The following TMEM248 variants were observed in gnomAD, a reference collection of about 807,000 sequenced individuals.
TMEM248 encodes transmembrane protein 248, also known as UPF0458 protein C7orf42.
A neutral mutation model predicts 30.3 loss-of-function variants in TMEM248; 9 were observed. The ratio of observed to expected loss-of-function variants is 0.30; its 90% confidence interval spans 0.18 to 0.52. The LOEUF (loss-of-function observed/expected upper bound fraction) is 0.52, where lower values mean the gene tolerates loss of function less well. Among genes scored for constraint, TMEM248 ranks in the 20% least tolerant of loss-of-function variants. The probability of loss-of-function intolerance (pLI) is 0.97; values close to 1 mark genes in which losing one functional copy is unlikely to be tolerated. For synonymous variants in TMEM248, 184 were observed against 154.4 expected (o/e 1.19, Z -1.42); for missense variants, 338 against 403.3 (o/e 0.84, Z 1.39).
chr7:66,948,804 T>C, intron 4 of TMEM248, 110 bp downstream of exon 4: 2 of 1,201,000 alleles, frequency 1.7e-6, no homozygotes, highest in Non-Finnish European at 2.3e-6. Flanking sequence ...CACATTTCTT[T>C]ATAGAATTAT....
intron 6 of TMEM248, among the ~76,000 whole-genome samples, chr7:66,955,255 C>T (rs140723594): frequency 1.3e-3 from 201 of 152,282 alleles, no homozygotes; most frequent in African/African-American, 4.0e-3. Flanking sequence ...AGAGCGAGAC[C>T]GTGTCTCAAA....
chr7:66,940,261 T>C (rs993715289), intron 1 of TMEM248, among the ~76,000 whole-genome samples: 1 of 152,132 alleles, frequency 6.6e-6, no homozygotes, highest in African/African-American at 2.4e-5. Context: ...GCCATAGATG[T>C]GCGTTTTAAG....
chr7:66,942,912 C>T (rs1395829614), intron 2 of TMEM248, among the ~76,000 whole-genome samples: 2 of 150,922 alleles, frequency 1.3e-5, no homozygotes, highest in African/African-American at 2.4e-5. Context: ...GCGTGGTTGC[C>T]GCATTGAGTG....
chr7:66,935,880 G>T (rs951936786), intron 1 of TMEM248, among the ~76,000 whole-genome samples: 7 of 152,130 alleles, frequency 4.6e-5, no homozygotes, highest in Admixed American at 2.6e-4. Flanking sequence ...CTATTGGCAC[G>T]TAGAAATGCT....
chr7:66,923,106 C>T (rs988566189), intron 1 of TMEM248, among the ~76,000 whole-genome samples: 1 of 152,014 alleles, frequency 6.6e-6, no homozygotes, highest in Admixed American at 6.6e-5. Flanking sequence ...TAGTGGTATA[C>T]CAACTGTTCA....
intron 1 of TMEM248, among the ~76,000 whole-genome samples, chr7:66,940,887 G>T (rs920691492): frequency 1.1e-4 from 16 of 152,182 alleles, no homozygotes; most frequent in African/African-American, 3.4e-4. Context: ...GTGTATTTGT[G>T]TCACATTACT....
At position 66,955,597 on chromosome 7, in the gene TMEM248, G is replaced by A. The variant is rs942195323; in HGVS notation, c.*75G>A. 1 of 1,559,708 alleles carries A rather than the reference G, an allele frequency of 6.4e-7. No homozygotes were observed. Among genetic ancestry groups the A allele is most frequent in the Admixed American group, 1.7e-5 (1 of 58,206 alleles). Reference sequence around the variant, plus strand: ...GCCTGCTGAACCCAGCCTGGGCCTGGATGCTCTGTGAATACATTATCTTGC... The same window carrying A: ...GCCTGCTGAACCCAGCCTGGGCCTGAATGCTCTGTGAATACATTATCTTGC... On this transcript the variant is annotated 3_prime_UTR_variant, in exon 7 of 7. Transcript: ENST00000341567.
chr7:66,924,314 G>A (rs1363827374), intron 1 of TMEM248, among the ~76,000 whole-genome samples: 2 of 152,192 alleles, frequency 1.3e-5, no homozygotes, highest in Non-Finnish European at 2.9e-5. Context: ...AACCTTTGAA[G>A]CCATTCACAC....
intron 3 of TMEM248, among the ~76,000 whole-genome samples, 186 bp from the exon 4 acceptor site, chr7:66,948,358 G>C (rs1383705160): frequency 6.6e-6 from 1 of 152,138 alleles, no homozygotes; most frequent in Non-Finnish European, 1.5e-5. Flanking sequence ...GCTGCTTCGT[G>C]GCTCTGAGTT....
intron 1 of TMEM248, among the ~76,000 whole-genome samples, chr7:66,937,142 T>C (rs1340545673): frequency 1.3e-5 from 2 of 152,220 alleles, no homozygotes; most frequent in Non-Finnish European, 1.5e-5. Context: ...CAAGACACTT[T>C]TTAATTTCCT....
chr7:66,946,082 CTCCA>C (rs1792095290), intron 3 of TMEM248, among the ~76,000 whole-genome samples: 1 of 139,048 alleles, frequency 7.2e-6, no homozygotes, highest in African/African-American at 2.6e-5. Flanking sequence ...GAGACTCTCT[CTCCA>C]AAAAAAAAAA....
intron 3 of TMEM248, among the ~76,000 whole-genome samples, chr7:66,947,214 CAAAAAAAAA>C (rs565294304): frequency 1.7e-5 from 1 of 58,818 alleles, no homozygotes; most frequent in African/African-American, 7.1e-5. Context: ...GACCCTGTCT[CAAAAAAAAA>C]AAAAAAAAAA....
chr7:66,948,377 C>T (rs1250373935), intron 3 of TMEM248, among the ~76,000 whole-genome samples, 167 bp from the exon 4 acceptor site: 1 of 152,150 alleles, frequency 6.6e-6, no homozygotes, highest in Admixed American at 6.6e-5. Context: ...TTGAGTAGGA[C>T]TCATGGTCAG....
chr7:66,921,502 C>T (rs986679907), intron 1 of TMEM248, 41 bp downstream of exon 1: 1 of 151,662 alleles, frequency 6.6e-6, no homozygotes, highest in Non-Finnish European at 1.5e-5. Context: ...CGGGCCCAGT[C>T]GGGGCTGCCC....
intron 3 of TMEM248, 105 bp downstream of exon 3, chr7:66,945,366 C>G (rs1235305315): frequency 2.4e-6 from 3 of 1,265,582 alleles, no homozygotes; most frequent in Non-Finnish European, 3.3e-6. Context: ...AGATTGTAGT[C>G]TTGCGCGTGT....
At chr7:66,945,795 C>CA (rs1792085480) in intron 3 of TMEM248, among the ~76,000 whole-genome samples, 1 of 151,862 alleles carries the variant, frequency 6.6e-6, no homozygotes, top group African/African-American at 2.4e-5. Context: ...TACTAAAATA[C>CA]AAAAAATTGG....
intron 1 of TMEM248, among the ~76,000 whole-genome samples, chr7:66,941,258 G>A (rs1791941750): frequency 6.6e-6 from 1 of 151,932 alleles, no homozygotes; most frequent in Non-Finnish European, 1.5e-5. Flanking sequence ...GCACATGCCT[G>A]TAGTCTCAGC....
intron 3 of TMEM248, among the ~76,000 whole-genome samples, chr7:66,947,070 C>T (rs117551892): frequency 0.015 from 2,242 of 151,956 alleles, 29 homozygotes; most frequent in Non-Finnish European, 0.023. Flanking sequence ...AAAAAATTAA[C>T]CAGGTGTTGT....
chr7:66,922,650 G>A (rs1303679190), intron 1 of TMEM248, among the ~76,000 whole-genome samples: 1 of 152,112 alleles, frequency 6.6e-6, no homozygotes, highest in African/African-American at 2.4e-5. Context: ...TAGTTAACTG[G>A]CACCTTCTCC....
Sources: allele counts gnomAD v4.1 joint callset (sites outside exome capture counted in the v4.1 genomes callset), GRCh38; gene constraint gnomAD v4.1.1; transcripts MANE v1.5; gene names NCBI Gene and HGNC (gene_info 2026-07-23, HGNC 2026-07-21).